NCOA7: variants seen among roughly 807,000 people sequenced by gnomAD.
The protein encoded by NCOA7 is nuclear receptor coactivator 7, also known as 140 kDa estrogen receptor-associated protein.
A neutral mutation model predicts 104.3 loss-of-function variants in NCOA7; 45 were observed. The observed-to-expected ratio is 0.43, with a 90% confidence interval of 0.34 to 0.55. NCOA7 has a LOEUF of 0.55. NCOA7 is among the 20% of genes least tolerant of loss of function. The pLI is 0.02. For missense variants in NCOA7, 1,041 were observed against 1,119.7 expected, an observed-to-expected ratio of 0.93 and a Z score of 1.00; for synonymous variants, 398 against 402.3, an observed-to-expected ratio of 0.99 and a Z score of 0.13.
At position 125,866,066 on chromosome 6, in the gene NCOA7, A is replaced by T. The variant is rs1446931276; in HGVS notation, c.272-8823A>T. Among the ~76,000 whole-genome samples the T allele has an allele frequency of 3.6e-5, 5 of 137,150 alleles. 2 individuals carry two copies. Among genetic ancestry groups the T allele is most frequent in the African/African-American group, 1.5e-4 (5 of 32,636 alleles). 90.0% of individuals were successfully genotyped at this position (137,150 alleles called of 152,430 possible). On this transcript the variant is annotated intron_variant, in intron 3 of 15. Transcript: ENST00000392477. ...AACTTTAGGCCGGGCACAGTGTCTCACACCTGTAATCCCAGCACTTTGGGA... is the reference window on the plus strand; with the variant it reads ...AACTTTAGGCCGGGCACAGTGTCTCTCACCTGTAATCCCAGCACTTTGGGA...
At chr6:125,916,188 A>G (rs1787060061) in intron 11 of NCOA7, among the ~76,000 whole-genome samples, 1 of 152,164 alleles carries the variant, frequency 6.6e-6, no homozygotes, top group South Asian at 2.1e-4. Flanking sequence ...TAAAAGTGGC[A>G]GTTTCCGCTA....
upstream of NCOA7, among the ~76,000 whole-genome samples, chr6:125,788,652 C>T (rs924686340): frequency 4.0e-5 from 6 of 151,230 alleles, no homozygotes; most frequent in Non-Finnish European, 8.8e-5. Context: ...TCTCCTGCCT[C>T]AGCCTCCCAA....
chr6:125,921,090 A>G (rs768984348), intron 12 of NCOA7, 22 bp downstream of exon 12: 2 of 1,607,368 alleles, frequency 1.2e-6, no homozygotes, highest in South Asian at 2.2e-5. Context: ...CTGGCCACCA[A>G]GGGTGGGGGT....
rs184472027 is a variant in NCOA7, at chr6:125,863,289, G to T, written c.271+8049G>T. On this transcript the variant is annotated intron_variant, in intron 3 of 15. Transcript: ENST00000392477. ...AGCACTCTAATTAACACAATATTTT[G>T]TAACCCATTCTTGTCATTGTTGAAA... Among the ~76,000 whole-genome samples the T allele has an allele frequency of 3.8e-4, 52 of 137,960 alleles. 11 individuals carry two copies. Among genetic ancestry groups the T allele is most frequent in the African/African-American group, 1.6e-3 (52 of 33,164 alleles). The allele number at this position is 137,960 out of a possible 152,430, so 90.5% of individuals were successfully genotyped here.
At chr6:125,834,219 G>A (rs963088890) in intron 2 of NCOA7, among the ~76,000 whole-genome samples, 2 of 152,044 alleles carry the variant, frequency 1.3e-5, no homozygotes, top group Non-Finnish European at 1.5e-5. Flanking sequence ...AATTATTTGT[G>A]TGTCTGAAAT....
chr6:125,900,166 A>G, intron 10 of NCOA7: 2 of 396,084 alleles, frequency 5.0e-6, no homozygotes, highest in South Asian at 1.8e-5. Context: ...CTAGGTGGGA[A>G]TGGGAACACA....
intron 1 of NCOA7, among the ~76,000 whole-genome samples, chr6:125,805,868 G>T (rs1431419445): frequency 6.6e-6 from 1 of 152,166 alleles, no homozygotes; most frequent in Non-Finnish European, 1.5e-5. Context: ...TCAATGGATA[G>T]AATTTTCTGT....
Position 125,885,203 on chromosome 6 carries a change from G to A in NCOA7, c.744G>A (p.Met248Ile), listed in dbSNP as rs1364883129. The change falls in exon 8 of 16, where the codon ATG becomes ATA. Residue 248 changes from methionine (M) to isoleucine (I), a missense_variant. This residue lies in a region of NCOA7 where 914 missense variants were observed against 942.7 expected (regional missense o/e 0.97). Transcript: ENST00000392477. ...GVMIVTPNNI[M>I]FDPHKSDPLV... ...TGATAGTGACTCCTAACAACATCAT[G>A]TTTGACCCTCATAAATCTGATCCTC... 6.2e-7 allele frequency: 1 copy of A among 1,614,038 alleles called. No individual in the cohort carries two copies. Among genetic ancestry groups the A allele is most frequent in the Non-Finnish European group, 8.5e-7 (1 of 1,179,938 alleles).
At chr6:125,807,303 G>A (rs1776554310) in intron 1 of NCOA7, among the ~76,000 whole-genome samples, 1 of 152,110 alleles carries the variant, frequency 6.6e-6, no homozygotes, top group Admixed American at 6.5e-5. Context: ...TAACCATCCT[G>A]TTTGTTCTAA....
chr6:125,795,135 G>C (rs1402182109), intron 1 of NCOA7, among the ~76,000 whole-genome samples: 1 of 152,174 alleles, frequency 6.6e-6, no homozygotes, highest in Non-Finnish European at 1.5e-5. Flanking sequence ...TGATAAGTTA[G>C]GCTTGATATA....
chr6:125,873,916 C>T (rs1163667209), intron 3 of NCOA7, among the ~76,000 whole-genome samples: 2 of 152,176 alleles, frequency 1.3e-5, no homozygotes, highest in Admixed American at 1.3e-4. Flanking sequence ...TTATCTATTG[C>T]AGTACGGTTC....
chr6:125,834,447 C>T (rs941940295), intron 2 of NCOA7, among the ~76,000 whole-genome samples: 1 of 152,128 alleles, frequency 6.6e-6, no homozygotes, highest in African/African-American at 2.4e-5. Context: ...TGGAAAATAT[C>T]TTAAAAACAA....
upstream of NCOA7, chr6:125,790,928 C>G (rs925359639): frequency 2.0e-5 from 3 of 150,108 alleles, no homozygotes; most frequent in Admixed American, 2.0e-4. Context: ...CCTCGGCGTA[C>G]GGTCCTCCCC....
chr6:125,911,750 C>G (rs190516326), intron 10 of NCOA7, among the ~76,000 whole-genome samples: 1 of 152,302 alleles, frequency 6.6e-6, no homozygotes, highest in East Asian at 1.9e-4. Flanking sequence ...GGTCGGTCTT[C>G]GTTCCATCTT....
At chr6:125,867,343 A>AACCAAGTTGGGTAT in intron 3 of NCOA7, among the ~76,000 whole-genome samples, 1 of 152,258 alleles carries the variant, frequency 6.6e-6, no homozygotes, top group East Asian at 1.9e-4. Flanking sequence ...TAGATTTCAG[A>AACCAAGTTGGGTAT]ACCAAGTTGG....
At chr6:125,870,824 G>C (rs899611900) in intron 3 of NCOA7, among the ~76,000 whole-genome samples, 4 of 152,108 alleles carry the variant, frequency 2.6e-5, no homozygotes, top group Non-Finnish European at 5.9e-5. Flanking sequence ...GAGGTGGCAG[G>C]ACTTATGGAC....
At chr6:125,868,049 A>G (rs954312530) in intron 3 of NCOA7, among the ~76,000 whole-genome samples, 15 of 152,230 alleles carry the variant, frequency 9.9e-5, no homozygotes, top group Non-Finnish European at 2.9e-5. Flanking sequence ...TTTCAGAAGC[A>G]TATTTCTAGT....
intron 10 of NCOA7, among the ~76,000 whole-genome samples, chr6:125,912,526 G>A (rs554879667): frequency 6.6e-6 from 1 of 152,350 alleles, no homozygotes; most frequent in South Asian, 2.1e-4. Flanking sequence ...TGGAGGCTGT[G>A]AAGGCCCTGA....
intron 15 of NCOA7, 86 bp downstream of exon 15, chr6:125,928,333 T>A (rs1338901646): frequency 8.2e-7 from 1 of 1,217,864 alleles, no homozygotes; most frequent in East Asian, 2.3e-5. Context: ...AGTTAAAACT[T>A]CGGTGTCAGG....
Sources: allele counts gnomAD v4.1 joint callset (sites outside exome capture counted in the v4.1 genomes callset), GRCh38; gene constraint gnomAD v4.1.1; regional missense constraint gnomAD v4.1.1; transcripts MANE v1.5; gene names NCBI Gene and HGNC (gene_info 2026-07-23, HGNC 2026-07-21).